Variants in CERS5 observed in about 807,000 individuals in gnomAD.
CERS5 encodes LAG1 homolog, ceramide synthase 5.
Under a neutral mutation model 58.9 loss-of-function variants are expected in CERS5, and 37 were observed. The ratio of observed to expected loss-of-function variants is 0.63; its 90% CI spans 0.48 to 0.83. The LOEUF (loss-of-function observed/expected upper bound fraction) is 0.83. Among genes scored for constraint, CERS5 ranks in the 40% least tolerant of loss-of-function variants. The pLI, the probability that CERS5 is intolerant of heterozygous loss-of-function variation, is 0.00. For synonymous variants in CERS5, 147 were observed against 177.8 expected, an observed-to-expected ratio of 0.83 and a Z score of 1.38; for missense variants, 398 against 489.3, an observed-to-expected ratio of 0.81 and a Z score of 1.76.
chr12:50,148,921 AAAAAAAATATATATAT>A (rs1952479844), intron 1 of CERS5, among the ~76,000 whole-genome samples: 1 of 78,978 alleles, frequency 1.3e-5, no homozygotes, highest in Non-Finnish European at 2.5e-5. Flanking sequence ...AAAAAAAAAA[AAAAAAAATATATATAT>A]ATATATATAT....
At chr12:50,165,828 C>A in intron 1 of CERS5, 1 of 382,474 alleles carries the variant, frequency 2.6e-6, no homozygotes. Flanking sequence ...TTACCTGAGG[C>A]CTATGGCAGA....
intron 1 of CERS5, 48 bp downstream of exon 1, chr12:50,167,053 C>T: frequency 7.1e-7 from 1 of 1,405,132 alleles, no homozygotes; most frequent in South Asian, 1.3e-5. Context: ...CAGCGGGGCG[C>T]CCCCGGCCCG....
intron 1 of CERS5, among the ~76,000 whole-genome samples, chr12:50,159,093 G>A (rs1177454919): frequency 1.3e-5 from 2 of 152,100 alleles, no homozygotes; most frequent in African/African-American, 4.8e-5. Flanking sequence ...AGGCCGAGGC[G>A]GGCGAATCAT....
At position 50,136,040 on chromosome 12, in the gene CERS5, C is replaced by G; in HGVS notation, c.666G>C (p.Leu222Phe). The G allele has an allele frequency of 6.0e-6, 9 of 1,503,526 alleles. No homozygotes were observed. Among genetic ancestry groups the G allele is most frequent in the Non-Finnish European group, 8.0e-6 (9 of 1,128,798 alleles). 93.1% of individuals were successfully genotyped at this position (1,503,526 alleles called of 1,614,324 possible). A position where few individuals can be genotyped will look rare whatever the true frequency, so the allele number is the denominator to read the frequency against. Residue 222 changes from leucine to phenylalanine, a missense_variant, in exon 7 of 10, where the codon TTG (leucine) becomes TTC (phenylalanine). Coordinates refer to ENST00000317551, the MANE Select transcript of CERS5 (RefSeq NM_147190.5). ...KDFLIMFVHH[L>F]VTIGLISFSY... is the part of the protein sequence containing the mutation. ...AGAAGGAGATAAGCCCAATGGTGAC[C>G]AAGTGATGCACAAACATGATCAGGA...
At chr12:50,142,289 TCA>T (rs1165010297) in intron 3 of CERS5, among the ~76,000 whole-genome samples, 179 bp from the exon 4 acceptor site, 1 of 152,078 alleles carries the variant, frequency 6.6e-6, no homozygotes, top group African/African-American at 2.4e-5. Flanking sequence ...GAGTGGTGGC[TCA>T]CACCTGTAAT....
chr12:50,131,259 T>G (rs528475820), intron 9 of CERS5, among the ~76,000 whole-genome samples: 41 of 152,260 alleles, frequency 2.7e-4, no homozygotes, highest in African/African-American at 8.9e-4. Flanking sequence ...TCACTTTTCT[T>G]ATGAAACTTC....
intron 8 of CERS5, chr12:50,135,527 A>C: frequency 2.8e-6 from 2 of 701,840 alleles, no homozygotes; most frequent in Non-Finnish European, 5.2e-6. Flanking sequence ...CCTTGCTAGA[A>C]ATACGGTCTG....
chr12:50,157,465 T>C (rs765516692), intron 1 of CERS5, among the ~76,000 whole-genome samples: 2 of 151,578 alleles, frequency 1.3e-5, no homozygotes, highest in Non-Finnish European at 2.9e-5. Flanking sequence ...ACTTACTGAA[T>C]AGCTAATATG....
At chr12:50,149,403 G>A (rs922950289) in intron 1 of CERS5, among the ~76,000 whole-genome samples, 2 of 152,108 alleles carry the variant, frequency 1.3e-5, no homozygotes, top group African/African-American at 4.8e-5. Flanking sequence ...CCCTTTTCCT[G>A]CTCTCCAGAT....
At chr12:50,157,478 T>C (rs1938787852) in intron 1 of CERS5, among the ~76,000 whole-genome samples, 1 of 151,794 alleles carries the variant, frequency 6.6e-6, no homozygotes. Context: ...CTAATATGAA[T>C]GTACAAAGCA....
intron 1 of CERS5, 130 bp downstream of exon 1, chr12:50,166,971 C>T: frequency 1.3e-6 from 1 of 748,872 alleles, no homozygotes; most frequent in Non-Finnish European, 2.1e-6. Flanking sequence ...TCACCCGCCG[C>T]GGCCCAAGCT....
At chr12:50,136,979 A>G (rs1951728173) in intron 6 of CERS5, among the ~76,000 whole-genome samples, 1 of 152,236 alleles carries the variant, frequency 6.6e-6, no homozygotes, top group South Asian at 2.1e-4. Context: ...AGTAAAAGGC[A>G]TAAAAATTGA....
intron 1 of CERS5, among the ~76,000 whole-genome samples, chr12:50,158,184 AAAGT>A (rs1343001067): frequency 6.6e-6 from 1 of 152,200 alleles, no homozygotes; most frequent in African/African-American, 2.4e-5. Context: ...AGAGGACACT[AAAGT>A]GAATTCAGGC....
At position 50,167,205 on chromosome 12, in the gene CERS5, A is replaced by G; in HGVS notation, c.93T>C (p.Asp31=). 1.2e-6 allele frequency: 2 copies of G among 1,606,734 alleles called. No homozygotes were observed. Among genetic ancestry groups the G allele is most frequent in the African/African-American group, 1.4e-5 (1 of 73,696 alleles). ...FWLPENVSWA[D]LEGPADGYGY... Reference sequence around the variant, plus strand: ...CGTAGCCGTCGGCCGGCCCCTCCAGATCAGCCCAGCTCACGTTCTCGGGTA... The same window carrying G: ...CGTAGCCGTCGGCCGGCCCCTCCAGGTCAGCCCAGCTCACGTTCTCGGGTA... Residue 31 remains aspartate (D), a synonymous_variant, in exon 1 of 10, where the codon GAT becomes GAC. Coordinates refer to ENST00000317551, the MANE Select transcript of CERS5 (RefSeq NM_147190.5).
chr12:50,166,044 C>T (rs951446455), intron 1 of CERS5: 5 of 423,386 alleles, frequency 1.2e-5, no homozygotes, highest in Middle Eastern at 6.8e-4. Context: ...GGCTCAAGGC[C>T]GGGTGCGGTG....
chr12:50,157,247 G>C (rs886652599), intron 1 of CERS5, among the ~76,000 whole-genome samples: 2 of 151,834 alleles, frequency 1.3e-5, no homozygotes, highest in African/African-American at 2.4e-5. Context: ...GGGACCTTGT[G>C]ATAGTGTGAG....
At position 50,136,163 on chromosome 12, in the gene CERS5, C is replaced by A. The variant is rs535173739; in HGVS notation, c.637-94G>T. Reference sequence around the variant, plus strand: ...CCTGCATTATTCTCTAAGAATCTTACCCCACCCCATATAGAATAGTTTCCA... The same window carrying A: ...CCTGCATTATTCTCTAAGAATCTTAACCCACCCCATATAGAATAGTTTCCA... On this transcript the variant is annotated intron_variant, in intron 6 of 9. Coordinates refer to ENST00000317551, the MANE Select transcript of CERS5 (RefSeq NM_147190.5). 1.2e-5 allele frequency: 14 copies of A among 1,154,932 alleles called. No individual in the cohort carries two copies. In the South Asian group the frequency reaches 2.5e-4, roughly 21 times the overall value. The allele number at this position is 1,154,932 out of a possible 1,614,324, so 71.5% of individuals were successfully genotyped here. A position where few individuals can be genotyped will look rare whatever the true frequency, so the allele number is the denominator to read the frequency against.
chr12:50,133,107 A>G (rs1293043320), intron 9 of CERS5: 1 of 1,281,576 alleles, frequency 7.8e-7, no homozygotes, highest in Non-Finnish European at 1.0e-6. Flanking sequence ...GATGTCCAGT[A>G]GCTACAGCAA....
intron 1 of CERS5, among the ~76,000 whole-genome samples, chr12:50,151,570 C>T (rs1421817602): frequency 6.6e-6 from 1 of 152,164 alleles, no homozygotes; most frequent in Non-Finnish European, 1.5e-5. Flanking sequence ...ATGAGGATAA[C>T]AGTAATGCCT....
Sources: allele counts gnomAD v4.1 joint callset (sites outside exome capture counted in the v4.1 genomes callset), GRCh38; gene constraint gnomAD v4.1.1; transcripts MANE v1.5; gene names NCBI Gene and HGNC (gene_info 2026-07-23, HGNC 2026-07-21).